Variants in PRKN observed in about 807,000 individuals in gnomAD.
PRKN encodes parkin RBR E3 ubiquitin protein ligase.
Under a neutral mutation model 59.5 loss-of-function variants are expected in PRKN, and 56 were observed. The ratio of observed to expected loss-of-function variants is 0.94; its 90% CI spans 0.76 to 1.18. The LOEUF is 1.18. Ranked by LOEUF, PRKN falls within the 50% of genes most tolerant of loss-of-function variation. The pLI, the probability that PRKN is intolerant of heterozygous loss-of-function variation, is 0.00. For missense variants in PRKN, 657 were observed against 596.4 expected, an observed-to-expected ratio of 1.10 and a Z score of -1.06; for synonymous variants, 250 against 222.1, an observed-to-expected ratio of 1.13 and a Z score of -1.12.
At chr6:162,407,255 T>C (rs1320602813) in intron 2 of PRKN, among the ~76,000 whole-genome samples, 3 of 152,160 alleles carry the variant, frequency 2.0e-5, no homozygotes, top group Non-Finnish European at 2.9e-5. Context: ...AGCTAAATAA[T>C]GCCAGGGGGT....
At chr6:161,829,849 CAAA>C (rs11457054) in intron 6 of PRKN, among the ~76,000 whole-genome samples, 2 of 86,420 alleles carry the variant, frequency 2.3e-5, no homozygotes. Context: ...CACTAAATGC[CAAA>C]AAAAAAAAAA....
intron 1 of PRKN, among the ~76,000 whole-genome samples, chr6:162,599,415 G>A (rs1781613869): frequency 6.6e-6 from 1 of 152,064 alleles, no homozygotes; most frequent in Non-Finnish European, 1.5e-5. Context: ...TCCAGAATCT[G>A]GGCAAGAAAA....
chr6:162,119,954 G>A (rs1239300343), intron 4 of PRKN, among the ~76,000 whole-genome samples: 1 of 152,176 alleles, frequency 6.6e-6, no homozygotes, highest in Non-Finnish European at 1.5e-5. Flanking sequence ...ACTAAGAGGG[G>A]AGAAAGTTAT....
At chr6:162,334,149 G>A (rs1783720966) in intron 2 of PRKN, among the ~76,000 whole-genome samples, 1 of 152,200 alleles carries the variant, frequency 6.6e-6, no homozygotes, top group Non-Finnish European at 1.5e-5. Flanking sequence ...TCTCCATCAT[G>A]TAAAAATGCG....
At chr6:162,362,486 A>G (rs565137153) in intron 2 of PRKN, among the ~76,000 whole-genome samples, 16 of 152,292 alleles carry the variant, frequency 1.1e-4, no homozygotes, top group African/African-American at 3.1e-4. Context: ...AGGGCCGTGT[A>G]AAATAACTGA....
At chr6:162,079,147 A>G (rs1422623663) in intron 4 of PRKN, among the ~76,000 whole-genome samples, 1 of 152,114 alleles carries the variant, frequency 6.6e-6, no homozygotes, top group Non-Finnish European at 1.5e-5. Context: ...TCACAGCTCC[A>G]CAGCCCCTGA....
intron 2 of PRKN, among the ~76,000 whole-genome samples, chr6:162,375,999 T>G (rs1269582427): frequency 6.6e-6 from 1 of 152,090 alleles, no homozygotes; most frequent in Non-Finnish European, 1.5e-5. Flanking sequence ...CCTGGGAAGC[T>G]TCCATGCTAG....
At chr6:162,391,758 A>C (rs1296162405) in intron 2 of PRKN, among the ~76,000 whole-genome samples, 1 of 152,188 alleles carries the variant, frequency 6.6e-6, no homozygotes, top group South Asian at 2.1e-4. Context: ...CCTTTCACAC[A>C]GCCCTCCTGG....
intron 6 of PRKN, among the ~76,000 whole-genome samples, chr6:161,957,409 G>GTTGTT (rs1562418017): frequency 3.1e-5 from 4 of 127,394 alleles, no homozygotes; most frequent in Admixed American, 7.9e-5. Context: ...TGTTCTTGTT[G>GTTGTT]TTTTTTTTTT....
intron 3 of PRKN, among the ~76,000 whole-genome samples, chr6:162,259,237 T>C (rs961459974): frequency 8.5e-5 from 13 of 152,320 alleles, no homozygotes; most frequent in African/African-American, 2.6e-4. Flanking sequence ...ATTGGCTTGG[T>C]GTGTTCACCT....
chr6:162,717,942 T>C (rs1287992372), intron 1 of PRKN, among the ~76,000 whole-genome samples: 1 of 152,228 alleles, frequency 6.6e-6, no homozygotes, highest in African/African-American at 2.4e-5. Context: ...CAAAACATTA[T>C]ACGCTTAACG....
chr6:162,152,405 A>G, intron 4 of PRKN, among the ~76,000 whole-genome samples: 1 of 152,176 alleles, frequency 6.6e-6, no homozygotes, highest in Non-Finnish European at 1.5e-5. Context: ...AGGCCCACTC[A>G]GCCACATCAT....
At position 162,163,928 on chromosome 6, in the gene PRKN, G is replaced by A. The variant is rs1483984599; in HGVS notation, c.534+37203C>T. Among the ~76,000 whole-genome samples the A allele has an allele frequency of 2.0e-5, 3 of 149,058 alleles. 1 individual carries two copies. Among genetic ancestry groups the A allele is most frequent in the Admixed American group, 6.7e-5 (1 of 14,944 alleles). On this transcript the variant is annotated intron_variant, in intron 4 of 11. Transcript: ENST00000366898. ...TTAAACCAACCCCACTGCTCTAGAA[G>A]AATAGCCCTGCTCGGTGACTCACTA...
Position 161,552,789 on chromosome 6 carries a change from T to TGG in PRKN, c.934-3787_934-3786insCC, listed in dbSNP as rs1554275447. On this transcript the variant is annotated intron_variant, in intron 8 of 11. Coordinates refer to ENST00000366898, the MANE Select transcript of PRKN (RefSeq NM_004562.3). This position sits in a 1 kb window ranked among gnomAD's most constrained non-coding sequence, Gnocchi z 4.9. ...AAAGACACCATGGTTTTGTTGTTGT[T>TGG]TTTGTTTTTTGTTTTTTTTTTTTAG... Among the ~76,000 whole-genome samples, 1 of 87,822 alleles carries TGG rather than the reference T, an allele frequency of 1.1e-5. No individual in the cohort carries two copies. Among genetic ancestry groups the TGG allele is most frequent in the Non-Finnish European group, 2.5e-5 (1 of 40,412 alleles). 57.6% of individuals were successfully genotyped at this position (87,822 alleles called of 152,430 possible).
At chr6:162,335,440 T>A (rs529127315) in intron 2 of PRKN, among the ~76,000 whole-genome samples, 1 of 152,298 alleles carries the variant, frequency 6.6e-6, no homozygotes, top group South Asian at 2.1e-4. Context: ...AAAACACTCA[T>A]GGGTTGCACT....
At chr6:162,665,033 T>C (rs561005772) in intron 1 of PRKN, among the ~76,000 whole-genome samples, 92 of 152,240 alleles carry the variant, frequency 6.0e-4, no homozygotes, top group Admixed American at 3.3e-3. Flanking sequence ...GAACATATCT[T>C]AAAATAATAA....
chr6:162,223,314 T>G (rs577374641), intron 3 of PRKN, among the ~76,000 whole-genome samples: 31 of 151,994 alleles, frequency 2.0e-4, no homozygotes, highest in Non-Finnish European at 4.4e-4. Flanking sequence ...AAGACCATAA[T>G]AGGAGGGCAC....
intron 2 of PRKN, among the ~76,000 whole-genome samples, chr6:162,412,636 G>A (rs1029286095): frequency 6.6e-6 from 1 of 152,076 alleles, no homozygotes; most frequent in African/African-American, 2.4e-5. Context: ...TATGTACAAT[G>A]ACACATTAAA....
intron 7 of PRKN, among the ~76,000 whole-genome samples, chr6:161,618,225 C>T (rs951167358): frequency 6.6e-5 from 10 of 152,176 alleles, no homozygotes; most frequent in Non-Finnish European, 1.5e-4. Flanking sequence ...CGTTAATTCC[C>T]TAAGCACAGC....
Sources: allele counts gnomAD v4.1 joint callset (sites outside exome capture counted in the v4.1 genomes callset), GRCh38; gene constraint gnomAD v4.1.1; non-coding constraint Gnocchi (gnomAD v3.1); transcripts MANE v1.5; gene names NCBI Gene and HGNC (gene_info 2026-07-23, HGNC 2026-07-21).